TNRC18: variants seen among roughly 807,000 people sequenced by gnomAD.
The protein encoded by TNRC18 is trinucleotide repeat-containing gene 18 protein.
A neutral mutation model predicts 226.7 loss-of-function variants in TNRC18; 69 were observed. The observed-to-expected ratio is 0.30, with a 90% confidence interval of 0.25 to 0.37. The LOEUF (loss-of-function observed/expected upper bound fraction) is 0.37, where lower values mean the gene tolerates loss of function less well. Among genes scored for constraint, TNRC18 ranks in the 10% least tolerant of loss-of-function variants. The pLI is 1.00. For synonymous variants in TNRC18, 2,449 were observed against 1,927.6 expected, an observed-to-expected ratio of 1.27 and a Z score of -7.09; for missense variants, 4,754 against 4,256.6, an observed-to-expected ratio of 1.12 and a Z score of -3.25.
Position 5,313,448 on chromosome 7 carries a change from C to A in TNRC18, c.7443G>T (p.Leu2481=), listed in dbSNP as rs1286311055. The A allele has an allele frequency of 1.9e-6, 3 of 1,612,294 alleles. No individual in the cohort carries two copies. The highest frequency in any genetic ancestry group is 2.5e-6 in the Non-Finnish European group (3 of 1,179,312). Reference sequence around the variant, plus strand: ...CCGCCCCCGGATCCTCCCGGAGCAGCAGGGCCTCTTTAGCCTTCTTGCTTT... The same window carrying A: ...CCGCCCCCGGATCCTCCCGGAGCAGAAGGGCCTCTTTAGCCTTCTTGCTTT... The part of the protein sequence containing the change: ...SPKSKKAKEA[L]LLREDPGAGG... Residue 2481 remains leucine (L), a synonymous_variant, in exon 27 of 30, where the codon CTG becomes CTT. Transcript: ENST00000430969.
intron 18 of TNRC18, 45 bp downstream of exon 18, chr7:5,345,517 G>GCCCCCCCCCACCCC: frequency 2.6e-6 from 1 of 377,744 alleles, no homozygotes; most frequent in Non-Finnish European, 4.8e-6. Flanking sequence ...AATGGCGTCC[G>GCCCCCCCCCACCCC]CCCCTCCCAC....
At chr7:5,416,798 C>G (rs1439391893) in intron 2 of TNRC18, among the ~76,000 whole-genome samples, 1 of 151,844 alleles carries the variant, frequency 6.6e-6, no homozygotes, top group Non-Finnish European at 1.5e-5. Flanking sequence ...TCGAGACCAG[C>G]TGGACAACAT....
rs1262968740 is a variant in TNRC18 at position 5,325,427 on chromosome 7, T to C, written c.6148-179A>G. 20 of 655,844 alleles carry C rather than the reference T, an allele frequency of 3.0e-5. No individual in the cohort carries two copies. In the East Asian group the frequency reaches 6.6e-4, roughly 22 times the overall value. The allele number at this position is 655,844 out of a possible 1,614,324, so 40.6% of individuals were successfully genotyped here. On this transcript the variant is annotated intron_variant, in intron 19 of 29. Coordinates refer to ENST00000430969, the MANE Select transcript of TNRC18 (RefSeq NM_001080495.3). ...GCGTTTTTGGTTTTGGGTTTTTTTT[T>C]GTTTTTTTTTTTTTGAGACGGAGTC...
chr7:5,308,479 C>G (rs192337174), intron 29 of TNRC18, among the ~76,000 whole-genome samples, 167 bp from the exon 30 acceptor site: 11 of 151,980 alleles, frequency 7.2e-5, no homozygotes, highest in African/African-American at 1.2e-4. Flanking sequence ...AAAAGAGAGA[C>G]AGAGACCGAG....
chr7:5,420,471 C>T lies in TNRC18; in HGVS notation c.187+589G>A, dbSNP rs575906695. 3.8e-5 allele frequency: 17 copies of T among 452,310 alleles called. 1 individual carries two copies. Among genetic ancestry groups the T allele is most frequent in the Middle Eastern group, 6.6e-4 (2 of 3,052 alleles). 28.0% of individuals were successfully genotyped at this position (452,310 alleles called of 1,614,324 possible). A position where few individuals can be genotyped will look rare whatever the true frequency, so the allele number is the denominator to read the frequency against. On this transcript the variant is annotated intron_variant, in intron 2 of 29. Transcript: ENST00000430969. ...GGTGCAGGTTCCCAGGGCCGCCGTTCTCCCGGGGAAGAAAGGGGCATCCCG... is the reference window on the plus strand; with the variant it reads ...GGTGCAGGTTCCCAGGGCCGCCGTTTTCCCGGGGAAGAAAGGGGCATCCCG...
chr7:5,345,525 C>CCCCCCCCCCCCCCCCCCCCCCCCCAAA, intron 18 of TNRC18, 37 bp downstream of exon 18: 2 of 217,344 alleles, frequency 9.2e-6, no homozygotes, highest in Non-Finnish European at 1.9e-5. Flanking sequence ...CCGCCCCTCC[C>CCCCCCCCCCCCCCCCCCCCCCCCCAAA]ACCCACCCCC....
intron 26 of TNRC18, among the ~76,000 whole-genome samples, chr7:5,314,694 T>TC (rs1169042876): frequency 1.4e-5 from 2 of 147,270 alleles, no homozygotes; most frequent in Non-Finnish European, 3.0e-5. Context: ...TGCCTCAGCC[T>TC]CCCACGTAGT....
intron 2 of TNRC18, among the ~76,000 whole-genome samples, chr7:5,411,757 T>A (rs1390185963): frequency 2.0e-5 from 3 of 151,636 alleles, no homozygotes; most frequent in East Asian, 3.9e-4. Flanking sequence ...TGAAGAACAA[T>A]GGCTCTCCAG....
intron 18 of TNRC18, among the ~76,000 whole-genome samples, chr7:5,340,023 G>A (rs1790534080): frequency 6.6e-6 from 1 of 152,000 alleles, no homozygotes; most frequent in African/African-American, 2.4e-5. Context: ...ATCCTACAAT[G>A]GCCTCTAAAT....
chr7:5,352,788 G>A (rs1302719074), intron 16 of TNRC18, among the ~76,000 whole-genome samples: 2 of 152,252 alleles, frequency 1.3e-5, no homozygotes, highest in Non-Finnish European at 2.9e-5. Context: ...GAGCCTGCCA[G>A]GCAGGCAACG....
chr7:5,412,002 T>C (rs188877466), intron 2 of TNRC18, among the ~76,000 whole-genome samples: 51 of 151,768 alleles, frequency 3.4e-4, no homozygotes, highest in Admixed American at 8.5e-4. Context: ...CTGGGCAACA[T>C]AGCGAGAGAC....
chr7:5,374,175 C>A lies in TNRC18; in HGVS notation c.3109G>T (p.Ala1037Ser), dbSNP rs767853531. 3.2e-5 allele frequency: 7 copies of A among 220,762 alleles called. 1 individual carries two copies. In the South Asian group the frequency reaches 1.1e-3, roughly 35 times the overall value. 13.7% of individuals were successfully genotyped at this position (220,762 alleles called of 1,614,324 possible). A position where few individuals can be genotyped will look rare whatever the true frequency, so the allele number is the denominator to read the frequency against. Residue 1037 changes from alanine (A) to serine (S), a missense_variant, in exon 10 of 30, where the codon GCC (alanine) becomes TCC (serine). Physicochemically the swap from Ala to Ser is moderately conservative, Grantham distance 99. Transcript: ENST00000430969. ...ATACCCGGGGTGGGCGGTGGGGAGG[C>A]GGGCGGCGGGCTGGTGGGGTGGGAG... ...PSSHPTSPPPASPPPTPGITR... is the reference protein window; with the variant it reads ...PSSHPTSPPPSSPPPTPGITR...
At chr7:5,371,467 G>A (rs1052096808) in intron 10 of TNRC18, 103 bp from the exon 11 acceptor site, 32 of 1,361,206 alleles carry the variant, frequency 2.4e-5, no homozygotes, top group African/African-American at 1.5e-4. Context: ...GGACGCAGCC[G>A]CCCCCTGCTC....
rs182452370 is a variant in TNRC18 at position 5,319,356 on chromosome 7, C to T, written c.6745+962G>A. 8.6e-3 allele frequency among the ~76,000 whole-genome samples: 1,308 copies of T among 151,978 alleles called. 12 individuals are homozygous for T. The highest frequency in any genetic ancestry group is 0.014 in the Non-Finnish European group (920 of 67,976). ...TGAGTGGGCTTTTTTTTTGCACGGG[C>T]GGGGTTTGTCTAATCCACATCCATA... On this transcript the variant is annotated intron_variant, in intron 24 of 29. Transcript: ENST00000430969.
intron 5 of TNRC18, among the ~76,000 whole-genome samples, chr7:5,381,510 A>C (rs544285251): frequency 1.3e-5 from 2 of 151,962 alleles, no homozygotes; most frequent in Non-Finnish European, 2.9e-5. Context: ...CGTTCTCTTG[A>C]CTATACACAG....
chr7:5,359,818 C>T (rs1234301290), intron 14 of TNRC18, among the ~76,000 whole-genome samples: 2 of 141,028 alleles, frequency 1.4e-5, no homozygotes, highest in African/African-American at 2.6e-5. Flanking sequence ...TGCGCTTTTA[C>T]GCGTACACTC....
chr7:5,348,124 G>A (rs1261975520), intron 17 of TNRC18, among the ~76,000 whole-genome samples: 3 of 152,154 alleles, frequency 2.0e-5, no homozygotes, highest in Non-Finnish European at 1.5e-5. Flanking sequence ...TGGCAGACAG[G>A]AGGCTCCCTG....
At chr7:5,338,671 A>G (rs939937460) in intron 18 of TNRC18, among the ~76,000 whole-genome samples, 2 of 151,044 alleles carry the variant, frequency 1.3e-5, no homozygotes, top group African/African-American at 4.9e-5. Flanking sequence ...CTGTAATCCC[A>G]GCATTTTGGG....
Position 5,377,797 on chromosome 7 carries a change from C to G in TNRC18, c.2255+125G>C. The G allele has an allele frequency of 9.5e-7, 1 of 1,048,966 alleles. No individual in the cohort carries two copies. The highest frequency in any genetic ancestry group is 1.4e-6 in the Non-Finnish European group (1 of 714,192). 65.0% of individuals were successfully genotyped at this position (1,048,966 alleles called of 1,614,324 possible). A position where few individuals can be genotyped will look rare whatever the true frequency, so the allele number is the denominator to read the frequency against. ...CCCGATGCTGAGGACCAGAGTGACT[C>G]CCGCTCTCAGTACCATAGCATCCAT... On this transcript the variant is annotated intron_variant, in intron 6 of 29. Coordinates refer to ENST00000430969, the MANE Select transcript of TNRC18 (RefSeq NM_001080495.3). This position sits in a 1 kb window ranked among gnomAD's most constrained non-coding sequence, Gnocchi z 5.8.
Sources: gnomAD v4.1 joint callset for allele counts (sites outside exome capture counted in the v4.1 genomes callset) on GRCh38, gnomAD v4.1.1 for gene constraint, Gnocchi (gnomAD v3.1) non-coding constraint, MANE v1.5 for transcripts, NCBI Gene and HGNC (gene_info 2026-07-23, HGNC 2026-07-21) for gene names.